PICALM: variants seen among roughly 807,000 people sequenced by gnomAD.
The protein encoded by PICALM is phosphatidylinositol binding clathrin assembly protein.
Under a neutral mutation model 80.5 loss-of-function variants are expected in PICALM, and 40 were observed. The ratio of observed to expected loss-of-function variants is 0.50; its 90% confidence interval spans 0.39 to 0.65. The LOEUF is 0.65. Among genes scored for constraint, PICALM ranks in the 30% least tolerant of loss-of-function variants. The pLI is 0.00. For missense variants in PICALM, 676 were observed against 778.9 expected (o/e 0.87, Z 1.57); for synonymous variants, 288 against 260.3 (o/e 1.11, Z -1.02).
At chr11:86,058,219 C>T (rs1194557632) in intron 1 of PICALM, among the ~76,000 whole-genome samples, 1 of 152,138 alleles carries the variant, frequency 6.6e-6, no homozygotes, top group East Asian at 1.9e-4. Context: ...CTATTACCAG[C>T]ACATAAAATT....
rs748047171 is a variant in PICALM at position 85,981,945 on chromosome 11, A to G, written c.1575T>C (p.Leu525=). The G allele has an allele frequency of 1.2e-6, 2 of 1,613,068 alleles. No individual in the cohort carries two copies. The highest frequency in any genetic ancestry group is 3.3e-5 in the Admixed American group (2 of 60,026). Residue 525 remains leucine (L), a synonymous_variant, in exon 15 of 20, where the codon CTT becomes CTC. Transcript: ENST00000393346. ...TGCTAGGTGGGAGTTTGGCAACAGG[A>G]AGGTTCTGGTTCTGAGAGGCCACTG... is the stretch of plus-strand genomic sequence containing the variant. ...KPTVASQNQN[L]PVAKLPPSKL...
intron 1 of PICALM, among the ~76,000 whole-genome samples, chr11:86,039,999 G>A (rs140869727): frequency 0.18 from 22,390 of 122,906 alleles, 2,115 homozygotes; most frequent in Middle Eastern, 0.28. Flanking sequence ...GCATGACGCC[G>A]TCTCAAAAAA....
chr11:86,068,910 G>GGCGC lies in PICALM; in HGVS notation c.-134_-131dup. On this transcript the variant is annotated 5_prime_UTR_variant, in exon 1 of 20. Transcript: ENST00000393346. ...GCTCCTTCCCCGCCTGCCGGCCTGGGGCGCGGTTCGGGGCCGCGCGCTGCC... is the reference window on the plus strand; with the variant it reads ...GCTCCTTCCCCGCCTGCCGGCCTGGGGCGCGCGCGGTTCGGGGCCGCGCGCTGCC... The GGCGC allele has an allele frequency of 7.6e-7, 1 of 1,319,392 alleles. No homozygotes were observed. The highest frequency in any genetic ancestry group is 1.0e-6 in the Non-Finnish European group (1 of 994,160). 81.7% of individuals were successfully genotyped at this position (1,319,392 alleles called of 1,614,324 possible).
At chr11:85,977,256 T>C (rs753027169) in intron 17 of PICALM, among the ~76,000 whole-genome samples, 4 of 152,244 alleles carry the variant, frequency 2.6e-5, no homozygotes, top group Admixed American at 6.5e-5. Context: ...ATATAGAGTA[T>C]GTACGTTAGC....
intron 19 of PICALM, among the ~76,000 whole-genome samples, chr11:85,969,972 T>C (rs1477326475): frequency 6.6e-6 from 1 of 152,222 alleles, no homozygotes; most frequent in Non-Finnish European, 1.5e-5. Flanking sequence ...GTTATTATAA[T>C]GGTTACAAGT....
At chr11:86,019,047 C>G (rs2095525238) in intron 4 of PICALM, among the ~76,000 whole-genome samples, 1 of 152,022 alleles carries the variant, frequency 6.6e-6, no homozygotes, top group Non-Finnish European at 1.5e-5. Context: ...TTTACTCGCA[C>G]AGAAAAGGTT....
chr11:86,064,527 A>G (rs1010707561), intron 1 of PICALM, among the ~76,000 whole-genome samples: 22 of 151,728 alleles, frequency 1.4e-4, no homozygotes, highest in African/African-American at 5.3e-4. Context: ...TGTGCGTGGT[A>G]GCAGATGCCT....
chr11:86,006,787 AAC>A (rs2136198413), intron 8 of PICALM, among the ~76,000 whole-genome samples: 1 of 152,374 alleles, frequency 6.6e-6, no homozygotes, highest in African/African-American at 2.4e-5. Context: ...CCGTAAAGAA[AAC>A]AGAGAATCAG....
At chr11:85,967,921 T>C (rs1030901680) in intron 19 of PICALM, among the ~76,000 whole-genome samples, 1 of 138,416 alleles carries the variant, frequency 7.2e-6, no homozygotes, top group Non-Finnish European at 1.5e-5. Context: ...GTCAGACTGA[T>C]TTAAAATTAG....
chr11:85,966,994 CTT>C (rs1459505377), intron 19 of PICALM, among the ~76,000 whole-genome samples: 2 of 152,140 alleles, frequency 1.3e-5, no homozygotes, highest in African/African-American at 4.8e-5. Context: ...AGCTTAAAAA[CTT>C]TTAACATGCT....
intron 3 of PICALM, among the ~76,000 whole-genome samples, chr11:86,025,664 T>C (rs976615007): frequency 2.0e-5 from 3 of 151,924 alleles, no homozygotes; most frequent in African/African-American, 2.4e-5. Context: ...GTTCAAGCGA[T>C]TCTCCTGCCT....
chr11:85,988,618 AG>A (rs2094656979), intron 13 of PICALM, among the ~76,000 whole-genome samples: 1 of 152,030 alleles, frequency 6.6e-6, no homozygotes, highest in Non-Finnish European at 1.5e-5. Flanking sequence ...AAAGAGGGGA[AG>A]GGGAAGGAAA....
At chr11:85,993,921 T>A (rs1388873681) in intron 12 of PICALM, among the ~76,000 whole-genome samples, 1 of 152,090 alleles carries the variant, frequency 6.6e-6, no homozygotes, top group African/African-American at 2.4e-5. Flanking sequence ...GGTATTGCTA[T>A]ATTGCCCAGG....
chr11:86,027,779 C>G (rs2095673080), intron 2 of PICALM, among the ~76,000 whole-genome samples: 1 of 152,132 alleles, frequency 6.6e-6, no homozygotes, highest in Non-Finnish European at 1.5e-5. Context: ...CCTTGGCCCC[C>G]CAAACTCTCA....
At chr11:86,032,166 G>C (rs1403699633) in intron 1 of PICALM, among the ~76,000 whole-genome samples, 1 of 152,082 alleles carries the variant, frequency 6.6e-6, no homozygotes, top group Non-Finnish European at 1.5e-5. Flanking sequence ...TCATACAAAA[G>C]ATTTATACTC....
chr11:86,033,530 A>G (rs1310754427), intron 1 of PICALM, among the ~76,000 whole-genome samples: 5 of 152,168 alleles, frequency 3.3e-5, no homozygotes, highest in South Asian at 2.1e-4. Flanking sequence ...GCTATTTGCT[A>G]AAGTGTCACC....
rs767919632 is a variant in PICALM at position 85,958,131 on chromosome 11, G to A, written c.*915C>T. On this transcript the variant is annotated 3_prime_UTR_variant, in exon 20 of 20. Coordinates refer to ENST00000393346, the MANE Select transcript of PICALM (RefSeq NM_007166.4). ...TTTGGAAAGGCCCTAATGTCAAATGGAAAATAATGACATGCCAAGCACAAA... is the reference window on the plus strand; with the variant it reads ...TTTGGAAAGGCCCTAATGTCAAATGAAAAATAATGACATGCCAAGCACAAA... The A allele has an allele frequency of 8.9e-6, 2 of 224,618 alleles. No homozygotes were observed. The highest frequency in any genetic ancestry group is 1.8e-5 in the Non-Finnish European group (2 of 112,464). 13.9% of individuals were successfully genotyped at this position (224,618 alleles called of 1,614,324 possible).
intron 1 of PICALM, among the ~76,000 whole-genome samples, chr11:86,055,319 C>T (rs1170074502): frequency 6.8e-6 from 1 of 147,984 alleles, no homozygotes; most frequent in African/African-American, 2.5e-5. Flanking sequence ...AAGAGCAAAA[C>T]TCCGTCTCAA....
chr11:85,981,288 T>C, intron 16 of PICALM, 60 bp from the exon 17 acceptor site: 1 of 985,386 alleles, frequency 1.0e-6, no homozygotes, highest in Non-Finnish European at 1.6e-6. Context: ...TCCTTAGCTA[T>C]ATACTTATAT....
Sources: gnomAD v4.1 joint callset for allele counts (sites outside exome capture counted in the v4.1 genomes callset) on GRCh38, gnomAD v4.1.1 for gene constraint, MANE v1.5 for transcripts, NCBI Gene and HGNC (gene_info 2026-07-23, HGNC 2026-07-21) for gene names.